UBR3: variants seen among roughly 807,000 people sequenced by gnomAD.
UBR3 encodes ubiquitin protein ligase E3 component n-recognin 3.
In UBR3, 85 loss-of-function variants were observed where a neutral mutation model predicts 243.2. The ratio of observed to expected loss-of-function variants is 0.35; its 90% CI spans 0.29 to 0.42. The LOEUF is 0.42. Ranked by LOEUF, UBR3 falls within the 10% of genes least tolerant of loss-of-function variation. The pLI is 1.00. For synonymous variants in UBR3, 748 were observed against 799.8 expected, an observed-to-expected ratio of 0.94 and a Z score of 1.09; for missense variants, 1,686 against 2,300.8, an observed-to-expected ratio of 0.73 and a Z score of 5.47.
intron 32 of UBR3, among the ~76,000 whole-genome samples, chr2:170,054,130 A>G (rs553384391): frequency 6.6e-6 from 1 of 152,092 alleles, no homozygotes; most frequent in African/African-American, 2.4e-5. Context: ...TTTTATTTTT[A>G]TTTTTATCTT....
intron 1 of UBR3, among the ~76,000 whole-genome samples, chr2:169,864,076 T>G (rs1453802295): frequency 6.6e-6 from 1 of 152,106 alleles, no homozygotes; most frequent in Non-Finnish European, 1.5e-5. Context: ...GACAGGATCT[T>G]ACTCTGTCAT....
intron 5 of UBR3, among the ~76,000 whole-genome samples, chr2:169,880,446 T>TATGTAAAAA (rs1472702264): frequency 9.2e-5 from 14 of 152,228 alleles, no homozygotes; most frequent in Non-Finnish European, 1.9e-4. Context: ...TCAACACAGA[T>TATGTAAAAA]GCCTTCTCCT....
intron 24 of UBR3, among the ~76,000 whole-genome samples, chr2:169,964,076 G>A (rs949545509): frequency 3.9e-5 from 6 of 151,954 alleles, no homozygotes; most frequent in African/African-American, 1.5e-4. Flanking sequence ...ATCTAACTCA[G>A]TACTATGTTA....
intron 32 of UBR3, among the ~76,000 whole-genome samples, chr2:170,045,843 A>AAAAG (rs1192523780): frequency 1.3e-5 from 2 of 152,158 alleles, no homozygotes; most frequent in African/African-American, 4.8e-5. Flanking sequence ...ATGTATCTCT[A>AAAAG]AAAGATAAGG....
intron 5 of UBR3, among the ~76,000 whole-genome samples, chr2:169,881,001 T>C (rs2083800052): frequency 6.6e-6 from 1 of 152,186 alleles, no homozygotes; most frequent in African/African-American, 2.4e-5. Flanking sequence ...ATTATGATCA[T>C]GTCTCAGTGT....
In UBR3 at chr2:169,827,778, C is replaced by G; in HGVS notation, c.271C>G (p.Leu91Val). 1 of 1,460,510 alleles carries G rather than the reference C, an allele frequency of 6.8e-7. No homozygotes were observed. The highest frequency in any genetic ancestry group is 3.0e-5 in the East Asian group (1 of 33,570). The allele number at this position is 1,460,510 out of a possible 1,614,324, so 90.5% of individuals were successfully genotyped here. Residue 91 changes from leucine to valine, a missense_variant, in exon 1 of 39, where the codon CTG (leucine) becomes GTG (valine). By Grantham distance (32) the Leu-to-Val change is conservative. Coordinates refer to ENST00000272793, the MANE Select transcript of UBR3 (RefSeq NM_172070.4). ...TCCGGGGGCGGCCGAGGAGGAGGCC[C>G]TGGAGTGGTGTAAGTGCCTTCTGGC... is the stretch of plus-strand genomic sequence containing the variant. ...GGPGAAEEEA[L>V]EWCKCLLAGG...
intron 11 of UBR3, among the ~76,000 whole-genome samples, chr2:169,916,451 C>T (rs565824729): frequency 6.6e-6 from 1 of 152,178 alleles, no homozygotes; most frequent in East Asian, 1.9e-4. Context: ...CCTATTCCCC[C>T]TTTTCCCACA....
At chr2:169,969,416 T>C (rs2087981458) in intron 24 of UBR3, among the ~76,000 whole-genome samples, 1 of 152,190 alleles carries the variant, frequency 6.6e-6, no homozygotes, top group Non-Finnish European at 1.5e-5. Flanking sequence ...AGATACTTGG[T>C]TTTCCAAACA....
chr2:169,949,467 A>G (rs1486199767), intron 22 of UBR3, 138 bp from the exon 23 acceptor site: 1 of 810,528 alleles, frequency 1.2e-6, no homozygotes, highest in Non-Finnish European at 1.8e-6. Flanking sequence ...GGAGAAATTT[A>G]TTTAAAGAGC....
intron 23 of UBR3, among the ~76,000 whole-genome samples, chr2:169,956,618 A>G (rs2087310858): frequency 1.3e-5 from 2 of 152,144 alleles, no homozygotes; most frequent in African/African-American, 4.8e-5. Flanking sequence ...AATTATCTGT[A>G]AATGTTAGAA....
intron 19 of UBR3, among the ~76,000 whole-genome samples, chr2:169,934,487 C>T (rs778494017): frequency 1.8e-4 from 28 of 152,290 alleles, no homozygotes; most frequent in Non-Finnish European, 3.4e-4. Flanking sequence ...TGCTCTGCCT[C>T]GGCCTCCCAA....
At chr2:169,853,883 G>A (rs1168861803) in intron 1 of UBR3, among the ~76,000 whole-genome samples, 2 of 151,940 alleles carry the variant, frequency 1.3e-5, no homozygotes, top group Non-Finnish European at 2.9e-5. Flanking sequence ...AAGAAAGGAA[G>A]AAAAAGCTGT....
chr2:169,981,666 G>A (rs2088737380), intron 24 of UBR3, among the ~76,000 whole-genome samples: 1 of 151,968 alleles, frequency 6.6e-6, no homozygotes, highest in Admixed American at 6.6e-5. Context: ...TTGGACTTTA[G>A]TTAATTTGTC....
chr2:169,859,936 C>T (rs560078128), intron 1 of UBR3, among the ~76,000 whole-genome samples: 1 of 152,144 alleles, frequency 6.6e-6, no homozygotes, highest in East Asian at 1.9e-4. Flanking sequence ...CCAAGATGTT[C>T]TGGATCTCCT....
intron 23 of UBR3, among the ~76,000 whole-genome samples, chr2:169,953,316 G>A (rs773860587): frequency 6.6e-5 from 10 of 152,116 alleles, no homozygotes; most frequent in Admixed American, 1.3e-4. Context: ...CTCTGGTTTC[G>A]TTTTGGATTT....
At position 170,080,696 on chromosome 2, in the gene UBR3, A is replaced by C; in HGVS notation, c.5549+12A>C. 6.2e-7 allele frequency: 1 copy of C among 1,613,338 alleles called. No homozygotes were observed. Among genetic ancestry groups the C allele is most frequent in the South Asian group, 1.1e-5 (1 of 90,882 alleles). ...GACCGGGATCTTAGGTTAGATGTTC[A>C]TGGATATATCCAGGTGTTTTATTGA... On this transcript the variant is annotated intron_variant, in intron 38 of 38. Coordinates refer to ENST00000272793, the MANE Select transcript of UBR3 (RefSeq NM_172070.4).
At chr2:169,967,777 T>C (rs2087890999) in intron 24 of UBR3, among the ~76,000 whole-genome samples, 1 of 152,164 alleles carries the variant, frequency 6.6e-6, no homozygotes, top group Non-Finnish European at 1.5e-5. Flanking sequence ...ATTTGTCCTT[T>C]TATTTTTAAC....
chr2:169,970,441 A>G (rs1163005663), intron 24 of UBR3, among the ~76,000 whole-genome samples: 2 of 127,806 alleles, frequency 1.6e-5, no homozygotes, highest in African/African-American at 3.0e-5. Context: ...GTCATCTAGC[A>G]TTAGGTATAT....
chr2:169,927,051 A>T, intron 16 of UBR3, 80 bp downstream of exon 16: 1 of 1,448,982 alleles, frequency 6.9e-7, no homozygotes. Flanking sequence ...TAACTGGCTT[A>T]GGGAAAAAAG....
Sources: allele counts gnomAD v4.1 joint callset (sites outside exome capture counted in the v4.1 genomes callset), GRCh38; gene constraint gnomAD v4.1.1; transcripts MANE v1.5; gene names NCBI Gene and HGNC (gene_info 2026-07-23, HGNC 2026-07-21).